Variants in SYNDIG1 observed in about 807,000 individuals in gnomAD.
SYNDIG1 encodes the protein synapse differentiation-inducing gene protein 1.
In SYNDIG1, 9 loss-of-function variants were observed where a neutral mutation model predicts 19.4. That is an observed-to-expected ratio of 0.46 (90% CI 0.28 to 0.81). The LOEUF (loss-of-function observed/expected upper bound fraction) is 0.81, where lower values mean the gene tolerates loss of function less well. Among genes scored for constraint, SYNDIG1 ranks in the 30% least tolerant of loss-of-function variants. The pLI is 0.12. For missense variants in SYNDIG1, 311 were observed against 343.3 expected (o/e 0.91, Z 0.74); for synonymous variants, 141 against 145.9 (o/e 0.97, Z 0.24).
chr20:24,659,892 A>G (rs2059567195), intron 3 of SYNDIG1, among the ~76,000 whole-genome samples: 1 of 152,202 alleles, frequency 6.6e-6, no homozygotes. Flanking sequence ...TGTTCATTTA[A>G]TTATTGATAG....
At chr20:24,646,008 C>T (rs1405411029) in intron 3 of SYNDIG1, among the ~76,000 whole-genome samples, 2 of 152,162 alleles carry the variant, frequency 1.3e-5, no homozygotes, top group African/African-American at 2.4e-5. Flanking sequence ...CCACACAGAG[C>T]CACCTCCATC....
intron 3 of SYNDIG1, among the ~76,000 whole-genome samples, chr20:24,650,088 G>A (rs764328144): frequency 6.6e-6 from 1 of 152,182 alleles, no homozygotes; most frequent in Admixed American, 6.5e-5. Context: ...ACCCAAAATA[G>A]GGGTAGCATG....
intron 2 of SYNDIG1, among the ~76,000 whole-genome samples, chr20:24,579,797 A>G (rs903488651): frequency 1.3e-5 from 2 of 152,176 alleles, no homozygotes; most frequent in Admixed American, 6.5e-5. Context: ...CAGAGAAGTG[A>G]GCCATGGGTG....
At chr20:24,505,162 T>A (rs1175803950) in intron 1 of SYNDIG1, among the ~76,000 whole-genome samples, 1 of 151,908 alleles carries the variant, frequency 6.6e-6, no homozygotes, top group Non-Finnish European at 1.5e-5. Flanking sequence ...ACAGGGTAGG[T>A]AGGTGGCACC....
chr20:24,520,353 T>G (rs995577794), intron 1 of SYNDIG1, among the ~76,000 whole-genome samples: 1 of 152,070 alleles, frequency 6.6e-6, no homozygotes, highest in African/African-American at 2.4e-5. Context: ...TTAATATGTT[T>G]GAGGTTCTTA....
chr20:24,522,267 T>A (rs947674925), intron 1 of SYNDIG1, among the ~76,000 whole-genome samples: 1 of 152,024 alleles, frequency 6.6e-6, no homozygotes, highest in African/African-American at 2.4e-5. Context: ...CTTTAAAAAT[T>A]TTTTGTAGAG....
intron 3 of SYNDIG1, among the ~76,000 whole-genome samples, chr20:24,605,246 G>A (rs1199971366): frequency 6.6e-6 from 1 of 152,182 alleles, no homozygotes; most frequent in East Asian, 1.9e-4. Context: ...TGTAAACGAA[G>A]GTTGCAATGA....
chr20:24,560,063 C>CA (rs2057908795), intron 2 of SYNDIG1, among the ~76,000 whole-genome samples: 4 of 43,062 alleles, frequency 9.3e-5, no homozygotes, highest in South Asian at 1.0e-3. Context: ...CTCTCCTCTC[C>CA]TTTTTTTTTT....
chr20:24,560,063 C>CTTTT lies in SYNDIG1; in HGVS notation c.480+16511_480+16514dup, dbSNP rs60892856. 1.0e-3 allele frequency among the ~76,000 whole-genome samples: 44 copies of CTTTT among 43,048 alleles called. 14 individuals carry two copies. The highest frequency in any genetic ancestry group is 1.9e-3 in the African/African-American group (13 of 6,692). 28.2% of individuals were successfully genotyped at this position (43,048 alleles called of 152,430 possible). On this transcript the variant is annotated intron_variant, in intron 2 of 3. Coordinates refer to ENST00000376862, the MANE Select transcript of SYNDIG1 (RefSeq NM_024893.3). Reference sequence around the variant, plus strand: ...TTTTTTTTAACATTTCTCTCCTCTCCTTTTTTTTTTTTTTTTTTTTTTTTT... The same window carrying CTTTT: ...TTTTTTTTAACATTTCTCTCCTCTCCTTTTTTTTTTTTTTTTTTTTTTTTTTTTT...
chr20:24,493,463 A>G (rs1486201638), intron 1 of SYNDIG1, among the ~76,000 whole-genome samples: 1 of 149,626 alleles, frequency 6.7e-6, no homozygotes, highest in East Asian at 1.9e-4. Flanking sequence ...AGGTACACAC[A>G]CATACATGGG....
At chr20:24,535,968 T>C (rs2057353800) in intron 1 of SYNDIG1, among the ~76,000 whole-genome samples, 1 of 152,242 alleles carries the variant, frequency 6.6e-6, no homozygotes, top group African/African-American at 2.4e-5. Flanking sequence ...AGTGAAGTTC[T>C]TGACACACAT....
At chr20:24,585,109 C>T in intron 3 of SYNDIG1, 116 bp downstream of exon 3, 4 of 1,370,332 alleles carry the variant, frequency 2.9e-6, no homozygotes, top group Non-Finnish European at 4.0e-6. Context: ...CCTGCTACAG[C>T]TGGGTCGGCA....
intron 3 of SYNDIG1, among the ~76,000 whole-genome samples, chr20:24,628,594 C>T (rs138478601): frequency 5.5e-4 from 84 of 152,328 alleles, no homozygotes; most frequent in African/African-American, 2.0e-3. Context: ...CATTTGTCCT[C>T]TAAGTGATGG....
rs545753074 is a variant in SYNDIG1 at position 24,573,885 on chromosome 20, C to G, written c.481-10971C>G. The stretch of plus-strand genomic sequence containing the variant: ...GCAGGTGCTCTCAGCTCCCCTTACC[C>G]CACACCTTCTCAGGTGTTACCCTTG... On this transcript the variant is annotated intron_variant, in intron 2 of 3. Transcript: ENST00000376862. 7.2e-5 allele frequency among the ~76,000 whole-genome samples: 11 copies of G among 152,338 alleles called. No individual in the cohort carries two copies. The South Asian group carries it at 2.1e-3, about 29-fold the overall frequency.
At chr20:24,660,973 C>T (rs2059578864) in intron 3 of SYNDIG1, among the ~76,000 whole-genome samples, 1 of 152,218 alleles carries the variant, frequency 6.6e-6, no homozygotes, top group African/African-American at 2.4e-5. Flanking sequence ...GCTGGACATG[C>T]ATGGAGCCAG....
intron 3 of SYNDIG1, among the ~76,000 whole-genome samples, chr20:24,665,139 G>A (rs3746328): frequency 0.2 from 31,032 of 151,986 alleles, 4,005 homozygotes; most frequent in East Asian, 0.58. Context: ...TGCGGTGTGG[G>A]GGAGCAGCAG....
At chr20:24,623,815 G>A (rs1034203472) in intron 3 of SYNDIG1, among the ~76,000 whole-genome samples, 2 of 152,150 alleles carry the variant, frequency 1.3e-5, no homozygotes, top group Non-Finnish European at 1.5e-5. Context: ...CATGTAAAAT[G>A]TTCAGTTGAA....
chr20:24,627,150 G>GAGAGC (rs1568697901), intron 3 of SYNDIG1, among the ~76,000 whole-genome samples: 297 of 136,484 alleles, frequency 2.2e-3, no homozygotes, highest in Middle Eastern at 0.02. Context: ...AGAGGGAGAG[G>GAGAGC]GAGAGCGAGA....
chr20:24,494,177 A>T (rs1435914321), intron 1 of SYNDIG1, among the ~76,000 whole-genome samples: 1 of 152,172 alleles, frequency 6.6e-6, no homozygotes, highest in Non-Finnish European at 1.5e-5. Flanking sequence ...ATGGCCGAGG[A>T]CTGGATCACT....
Sources: allele counts gnomAD v4.1 joint callset (sites outside exome capture counted in the v4.1 genomes callset), GRCh38; gene constraint gnomAD v4.1.1; transcripts MANE v1.5; gene names NCBI Gene and HGNC (gene_info 2026-07-23, HGNC 2026-07-21).